Variants in CRY1 observed in about 807,000 individuals in gnomAD.
CRY1 encodes the protein cryptochrome circadian regulator 1, also known as cryptochrome-1.
A neutral mutation model predicts 76.0 loss-of-function variants in CRY1; 45 were observed. That is an observed-to-expected ratio of 0.59 (90% confidence interval 0.47 to 0.76). The LOEUF (loss-of-function observed/expected upper bound fraction) is 0.76, where lower values mean the gene tolerates loss of function less well. Among genes scored for constraint, CRY1 ranks in the 30% least tolerant of loss-of-function variants. CRY1 has a pLI of 0.00. For synonymous variants in CRY1, 248 were observed against 244.0 expected, an observed-to-expected ratio of 1.02 and a Z score of -0.15; for missense variants, 587 against 716.4, an observed-to-expected ratio of 0.82 and a Z score of 2.06.
intron 1 of CRY1, among the ~76,000 whole-genome samples, chr12:107,075,382 A>G (rs960153281): frequency 2.0e-5 from 3 of 152,212 alleles, no homozygotes; most frequent in Admixed American, 2.0e-4. Context: ...ATAAAAGGTG[A>G]ATCACCAAAA....
intron 1 of CRY1, among the ~76,000 whole-genome samples, chr12:107,065,027 T>C (rs1369054471): frequency 6.6e-6 from 1 of 152,190 alleles, no homozygotes; most frequent in Admixed American, 6.5e-5. Context: ...CTGGGCATGG[T>C]GGCTCACACC....
At position 107,026,160 on chromosome 12, in the gene CRY1, T is replaced by A. The variant is rs11113170; in HGVS notation, c.159-3968A>T. Among the ~76,000 whole-genome samples, 20 of 75,846 alleles carry A rather than the reference T, an allele frequency of 2.6e-4. 2 individuals are homozygous for A. Among genetic ancestry groups the A allele is most frequent in the African/African-American group, 1.1e-3 (14 of 13,214 alleles). The allele number at this position is 75,846 out of a possible 152,430, so 49.8% of individuals were successfully genotyped here. A position where few individuals can be genotyped will look rare whatever the true frequency, so the allele number is the denominator to read the frequency against. On this transcript the variant is annotated intron_variant, in intron 1 of 12. Transcript: ENST00000008527. ...ATATATATTACATATATATATAAAA[T>A]ATATATATATATATTACATATATAT...
At chr12:107,079,822 C>T (rs979704996) in intron 1 of CRY1, among the ~76,000 whole-genome samples, 2 of 152,120 alleles carry the variant, frequency 1.3e-5, no homozygotes, top group African/African-American at 4.8e-5. Context: ...TGAAACCATG[C>T]TATGGCTTTT....
At chr12:107,017,329 T>C (rs1952507620) in intron 2 of CRY1, among the ~76,000 whole-genome samples, 1 of 152,262 alleles carries the variant, frequency 6.6e-6, no homozygotes, top group Non-Finnish European at 1.5e-5. Context: ...TTAAGCACTG[T>C]TTCCTCTGCC....
chr12:107,090,415 CTCTTCT>C (rs1262028891), intron 1 of CRY1, among the ~76,000 whole-genome samples: 1 of 152,176 alleles, frequency 6.6e-6, no homozygotes, highest in Non-Finnish European at 1.5e-5. Flanking sequence ...AGACACCATA[CTCTTCT>C]GGGTTTTCTT....
intron 10 of CRY1, among the ~76,000 whole-genome samples, chr12:106,994,099 T>C (rs559147295): frequency 6.6e-6 from 1 of 152,154 alleles, no homozygotes; most frequent in South Asian, 2.1e-4. Flanking sequence ...AAAAGAATTT[T>C]GCCCTTTGAC....
chr12:107,020,795 A>T (rs1329268345), intron 2 of CRY1, among the ~76,000 whole-genome samples: 1 of 152,180 alleles, frequency 6.6e-6, no homozygotes, highest in African/African-American at 2.4e-5. Flanking sequence ...AGTAATAAAT[A>T]GGAAGGGATG....
chr12:107,035,737 G>GA (rs1375178768), intron 1 of CRY1, among the ~76,000 whole-genome samples: 1 of 152,130 alleles, frequency 6.6e-6, no homozygotes, highest in Non-Finnish European at 1.5e-5. Context: ...AGAGTAGAAG[G>GA]ATATCGGGGG....
At chr12:107,023,462 T>C (rs1740047928) in intron 1 of CRY1, among the ~76,000 whole-genome samples, 1 of 152,252 alleles carries the variant, frequency 6.6e-6, no homozygotes, top group Admixed American at 6.5e-5. Flanking sequence ...AAAGTTCTAC[T>C]GGACAGATTG....
chr12:107,068,761 T>C (rs879783504), intron 1 of CRY1, among the ~76,000 whole-genome samples: 4 of 152,188 alleles, frequency 2.6e-5, no homozygotes, highest in Non-Finnish European at 5.9e-5. Flanking sequence ...TTTTTCCCCC[T>C]GCCCCGAGCT....
chr12:107,091,474 G>T (rs935414284), intron 1 of CRY1, among the ~76,000 whole-genome samples: 1 of 151,944 alleles, frequency 6.6e-6, no homozygotes, highest in African/African-American at 2.4e-5. Flanking sequence ...CTCTCACCTG[G>T]ATGAATGCCA....
intron 10 of CRY1, among the ~76,000 whole-genome samples, chr12:106,994,884 T>C (rs1952216974): frequency 1.3e-5 from 2 of 152,230 alleles, no homozygotes; most frequent in African/African-American, 4.8e-5. Context: ...GAAATGATTA[T>C]CTTGTGGAAG....
At chr12:107,074,174 C>A (rs1417043560) in intron 1 of CRY1, among the ~76,000 whole-genome samples, 3 of 151,916 alleles carry the variant, frequency 2.0e-5, no homozygotes, top group African/African-American at 7.3e-5. Flanking sequence ...CCCCTAATTG[C>A]AAAAAATATT....
intron 1 of CRY1, among the ~76,000 whole-genome samples, chr12:107,064,165 T>C (rs941792072): frequency 6.6e-6 from 1 of 152,198 alleles, no homozygotes; most frequent in East Asian, 1.9e-4. Flanking sequence ...AATTCTGTCA[T>C]TTGTGATGTG....
intron 3 of CRY1, 36 bp downstream of exon 3, chr12:107,005,070 G>T (rs550913471): frequency 1.3e-6 from 2 of 1,571,376 alleles, no homozygotes; most frequent in South Asian, 1.1e-5. Flanking sequence ...TATGTTATAC[G>T]CATTTTCCCA....
chr12:107,006,211 C>A (rs1306682723), intron 2 of CRY1, among the ~76,000 whole-genome samples: 1 of 151,942 alleles, frequency 6.6e-6, no homozygotes, highest in African/African-American at 2.4e-5. Context: ...CATGGTGAAA[C>A]CCCGTCTCTA....
intron 2 of CRY1, among the ~76,000 whole-genome samples, chr12:107,013,124 A>G (rs1399466854): frequency 1.3e-5 from 2 of 152,240 alleles, no homozygotes; most frequent in South Asian, 2.1e-4. Flanking sequence ...TCCAATTTTT[A>G]AAGTTGTACT....
chr12:107,021,883 C>G (rs914995555), intron 2 of CRY1, among the ~76,000 whole-genome samples: 2 of 151,990 alleles, frequency 1.3e-5, no homozygotes, highest in Non-Finnish European at 2.9e-5. Flanking sequence ...AAAGATTGAA[C>G]TTTTCATTGT....
At chr12:106,996,221 T>C (rs1419195843) in intron 10 of CRY1, among the ~76,000 whole-genome samples, 1 of 152,206 alleles carries the variant, frequency 6.6e-6, no homozygotes, top group East Asian at 1.9e-4. Flanking sequence ...GAACATGAGG[T>C]GTTTGGTTTT....
Sources: allele counts gnomAD v4.1 joint callset (sites outside exome capture counted in the v4.1 genomes callset), GRCh38; gene constraint gnomAD v4.1.1; transcripts MANE v1.5; gene names NCBI Gene and HGNC (gene_info 2026-07-23, HGNC 2026-07-21).